CFDP1: variants seen among roughly 807,000 people sequenced by gnomAD.
CFDP1 encodes the protein heterochromatin-stabilizing protein CFDP1.
In CFDP1, 31 loss-of-function variants were observed where a neutral mutation model predicts 40.1. The ratio of observed to expected loss-of-function variants is 0.77; its 90% CI spans 0.58 to 1.04. CFDP1 has a LOEUF of 1.04. Ranked by LOEUF, CFDP1 falls within the 50% of genes least tolerant of loss-of-function variation. The pLI is 0.00. For synonymous variants in CFDP1, 167 were observed against 120.0 expected, an observed-to-expected ratio of 1.39 and a Z score of -2.56; for missense variants, 423 against 343.4, an observed-to-expected ratio of 1.23 and a Z score of -1.83.
At chr16:75,316,556 A>AT (rs978186683) in intron 5 of CFDP1, among the ~76,000 whole-genome samples, 3 of 125,834 alleles carry the variant, frequency 2.4e-5, no homozygotes, top group African/African-American at 8.7e-5. Flanking sequence ...GGTTGACAGG[A>AT]TGAGACCCTG....
intron 1 of CFDP1, among the ~76,000 whole-genome samples, chr16:75,416,958 T>C (rs79094673): frequency 6.8e-4 from 104 of 152,192 alleles, no homozygotes; most frequent in Admixed American, 2.1e-3. Flanking sequence ...AATCTGAACA[T>C]AGAAATGTAA....
At chr16:75,412,001 T>C (rs771191090) in intron 3 of CFDP1, 49 bp from the exon 4 acceptor site, 20 of 1,542,662 alleles carry the variant, frequency 1.3e-5, no homozygotes, top group South Asian at 4.9e-5. Context: ...ATGAACCATA[T>C]TGTTTACAGA....
intron 5 of CFDP1, among the ~76,000 whole-genome samples, chr16:75,320,355 C>T (rs899240239): frequency 1.3e-5 from 2 of 152,058 alleles, no homozygotes; most frequent in Admixed American, 1.3e-4. Flanking sequence ...GAAAAAGATG[C>T]TTTAGCGTTA....
chr16:75,419,098 C>A (rs778708315), intron 1 of CFDP1: 1 of 383,970 alleles, frequency 2.6e-6, no homozygotes, highest in Admixed American at 2.7e-5. Context: ...AGCAGGACGC[C>A]GACTCATAAA....
intron 1 of CFDP1, among the ~76,000 whole-genome samples, chr16:75,426,920 T>C (rs907941344): frequency 1.3e-5 from 2 of 151,766 alleles, no homozygotes; most frequent in African/African-American, 4.8e-5. Context: ...CTGGGTGTGG[T>C]GGCGAGTGCT....
At chr16:75,353,839 T>C (rs1275515729) in intron 5 of CFDP1, among the ~76,000 whole-genome samples, 2 of 149,930 alleles carry the variant, frequency 1.3e-5, no homozygotes, top group African/African-American at 2.5e-5. Context: ...AAAGAAATAA[T>C]GATAAAAAAT....
At chr16:75,400,575 C>G (rs1186604281) in intron 4 of CFDP1, among the ~76,000 whole-genome samples, 1 of 152,150 alleles carries the variant, frequency 6.6e-6, no homozygotes, top group African/African-American at 2.4e-5. Context: ...CTGCTCTACC[C>G]CATCCCCAAT....
chr16:75,383,500 G>GCA (rs2078867912), intron 5 of CFDP1, among the ~76,000 whole-genome samples: 1 of 152,186 alleles, frequency 6.6e-6, no homozygotes, highest in Non-Finnish European at 1.5e-5. Flanking sequence ...GAGTGAAGCA[G>GCA]CACACAGCAT....
At chr16:75,332,152 CA>C (rs2078450457) in intron 5 of CFDP1, among the ~76,000 whole-genome samples, 1 of 152,114 alleles carries the variant, frequency 6.6e-6, no homozygotes, top group Non-Finnish European at 1.5e-5. Flanking sequence ...TGAGTTCAGA[CA>C]GACCCCACCC....
At chr16:75,368,624 G>A (rs2078732457) in intron 5 of CFDP1, among the ~76,000 whole-genome samples, 1 of 152,092 alleles carries the variant, frequency 6.6e-6, no homozygotes, top group Non-Finnish European at 1.5e-5. Flanking sequence ...GAAGTTTAGT[G>A]ATGGGTACAG....
intron 4 of CFDP1, chr16:75,409,223 G>A (rs1438207678): frequency 4.6e-5 from 7 of 152,088 alleles, no homozygotes; most frequent in African/African-American, 1.7e-4. Context: ...CACTTCCAAT[G>A]AACAGCCTGT....
chr16:75,420,871 T>C (rs2079271159), intron 1 of CFDP1, among the ~76,000 whole-genome samples: 1 of 152,222 alleles, frequency 6.6e-6, no homozygotes, highest in African/African-American at 2.4e-5. Context: ...GATTTTTAAT[T>C]TAACTGTCTG....
intron 1 of CFDP1, among the ~76,000 whole-genome samples, chr16:75,432,306 T>A (rs1245207339): frequency 7.8e-6 from 1 of 127,810 alleles, no homozygotes; most frequent in Admixed American, 9.4e-5. Flanking sequence ...GTGGCTGAGG[T>A]GGGAGGATCA....
intron 5 of CFDP1, among the ~76,000 whole-genome samples, chr16:75,306,877 TCACACACACA>T (rs59846343): frequency 4.3e-4 from 59 of 135,652 alleles, no homozygotes; most frequent in East Asian, 4.2e-3. Context: ...GTGCGCGTGA[TCACACACACA>T]CACACACACA....
chr16:75,387,314 G>GT (rs937555428), intron 5 of CFDP1, among the ~76,000 whole-genome samples: 1 of 151,978 alleles, frequency 6.6e-6, no homozygotes, highest in Non-Finnish European at 1.5e-5. Flanking sequence ...AGAATTTTTT[G>GT]TTTTTTTAGT....
intron 6 of CFDP1, 114 bp downstream of exon 6, chr16:75,304,910 T>G: frequency 1.8e-6 from 2 of 1,113,792 alleles, no homozygotes; most frequent in Non-Finnish European, 2.6e-6. Flanking sequence ...CTCACATTTT[T>G]AGTTCCATCA....
rs745967704 is a variant in CFDP1, at chr16:75,412,595, C to T, written c.342G>A (p.Trp114Ter). The part of the protein sequence containing the change: ...DARKKKEDEL[W>*]ASFLNDVGPK... ...GTCCCACATCATTGAGGAAGCTGGC[C>T]CAGAGTTCGTCCTCCTTCTTTTTCC... The change falls in exon 3 of 7, where the codon TGG (tryptophan) becomes TGA (stop). Residue 114 changes from tryptophan (W) to a stop codon, truncating the protein, a stop_gained. Transcript: ENST00000283882. LOFTEE classifies it high-confidence loss of function. The T allele has an allele frequency of 1.2e-6, 2 of 1,614,092 alleles. No individual in the cohort carries two copies. The highest frequency in any genetic ancestry group is 1.7e-6 in the Non-Finnish European group (2 of 1,180,012).
At chr16:75,388,508 G>A (rs1424898905) in intron 5 of CFDP1, among the ~76,000 whole-genome samples, 1 of 152,112 alleles carries the variant, frequency 6.6e-6, no homozygotes, top group Non-Finnish European at 1.5e-5. Flanking sequence ...CACTGAGTAG[G>A]GACCACAAAA....
chr16:75,380,366 A>G (rs1272588654), intron 5 of CFDP1, among the ~76,000 whole-genome samples: 1 of 152,120 alleles, frequency 6.6e-6, no homozygotes, highest in Non-Finnish European at 1.5e-5. Context: ...AAACCACAGT[A>G]GAGCACATGA....
Sources: allele counts gnomAD v4.1 joint callset (sites outside exome capture counted in the v4.1 genomes callset), GRCh38; gene constraint gnomAD v4.1.1; transcripts MANE v1.5; gene names NCBI Gene and HGNC (gene_info 2026-07-23, HGNC 2026-07-21).